The following EIF4ENIF1 variants were observed in gnomAD, a reference collection of about 807,000 sequenced individuals.
The protein encoded by EIF4ENIF1 is eukaryotic translation initiation factor 4E nuclear import factor 1.
Under a neutral mutation model 110.5 loss-of-function variants are expected in EIF4ENIF1, and 23 were observed. The ratio of observed to expected loss-of-function variants is 0.21; its 90% CI spans 0.15 to 0.29. EIF4ENIF1 has a LOEUF of 0.29. Among genes scored for constraint, EIF4ENIF1 ranks in the 10% least tolerant of loss-of-function variants. The pLI is 1.00. For synonymous variants in EIF4ENIF1, 440 were observed against 437.0 expected (o/e 1.01, Z -0.09); for missense variants, 1,031 against 1,221.1 (o/e 0.84, Z 2.32).
intron 4 of EIF4ENIF1, among the ~76,000 whole-genome samples, chr22:31,466,516 A>C (rs543122123): frequency 3.1e-4 from 47 of 151,542 alleles, no homozygotes; most frequent in African/African-American, 1.1e-3. Context: ...TGGGAGGCAG[A>C]GGTTGCAGTA....
intron 17 of EIF4ENIF1, 150 bp downstream of exon 17, chr22:31,441,624 G>A (rs1450142409): frequency 6.3e-6 from 4 of 630,418 alleles, no homozygotes. Flanking sequence ...GGATTGACTG[G>A]ATTGGGCCCA....
rs1234857195 is a variant in EIF4ENIF1 at position 31,449,333 on chromosome 22, AATAAGT to A, written c.1768+9_1768+14del. On this transcript the variant is annotated intron_variant, in intron 12 of 18. Coordinates refer to ENST00000330125, the MANE Select transcript of EIF4ENIF1 (RefSeq NM_019843.4). ...CCATAAATTCATATTTCTTTTGACA[AATAAGT>A]ATATTTACCAATTGGTGATGGTATT... 1.9e-6 allele frequency: 3 copies of A among 1,611,120 alleles called. No homozygotes were observed. Among genetic ancestry groups the A allele is most frequent in the Non-Finnish European group, 2.5e-6 (3 of 1,178,632 alleles).
Position 31,454,035 on chromosome 22 carries a change from A to C in EIF4ENIF1, c.1512+109T>G. On this transcript the variant is annotated intron_variant, in intron 10 of 18. Coordinates refer to ENST00000330125, the MANE Select transcript of EIF4ENIF1 (RefSeq NM_019843.4). ...AGCATCAAGGACCAAATGACTACTA[A>C]AGAATTTCCAACTTACTCAGAATAC... 3 of 981,626 alleles carry C rather than the reference A, an allele frequency of 3.1e-6. No individual in the cohort carries two copies. The South Asian group carries it at 5.0e-5, about 16-fold the overall frequency. 60.8% of individuals were successfully genotyped at this position (981,626 alleles called of 1,614,324 possible). A position where few individuals can be genotyped will look rare whatever the true frequency, so the allele number is the denominator to read the frequency against.
chr22:31,449,391 T>C lies in EIF4ENIF1; in HGVS notation c.1725A>G (p.Ala575=). The C allele has an allele frequency of 1.9e-6, 3 of 1,614,180 alleles. No homozygotes were observed. Among genetic ancestry groups the C allele is most frequent in the Non-Finnish European group, 2.5e-6 (3 of 1,180,020 alleles). ...PPLSQVFQTR[A]ASADYLRPRI... Reference sequence around the variant, plus strand: ...TTGGGCGAAGGTAGTCAGCTGAGGCTGCTCGAGTTTGAAACACCTGTGACA... The same window carrying C: ...TTGGGCGAAGGTAGTCAGCTGAGGCCGCTCGAGTTTGAAACACCTGTGACA... Residue 575 remains alanine, a synonymous_variant, in exon 12 of 19, where the codon GCA becomes GCG. Transcript: ENST00000330125.
chr22:31,439,119 C>G (rs2145879298), downstream of EIF4ENIF1, among the ~76,000 whole-genome samples: 1 of 152,290 alleles, frequency 6.6e-6, no homozygotes, highest in South Asian at 2.1e-4. Context: ...ATTAGGAAGA[C>G]TAGCTTGGGC....
rs200765350 is a variant in EIF4ENIF1, at chr22:31,468,259, G to A, written c.214C>T (p.Pro72Ser). The A allele has an allele frequency of 7.4e-6, 12 of 1,614,156 alleles. No individual in the cohort carries two copies. Among genetic ancestry groups the A allele is most frequent in the Non-Finnish European group, 1.0e-5 (12 of 1,180,030 alleles). Residue 72 changes from proline to serine, a missense_variant, in exon 4 of 19, where the codon CCA (proline) becomes TCA (serine). Coordinates refer to ENST00000330125, the MANE Select transcript of EIF4ENIF1 (RefSeq NM_019843.4). Reference protein sequence around the residue: ...DPEKWHASLYPASGRSSPVES... With the variant: ...DPEKWHASLYSASGRSSPVES... ...ACTGGTGAGCTCCGCCCTGAAGCTGGGTAGAGAGAGGCATGCCACTTCTCA... is the reference window on the plus strand; with the variant it reads ...ACTGGTGAGCTCCGCCCTGAAGCTGAGTAGAGAGAGGCATGCCACTTCTCA...
rs1314030562 is a variant in EIF4ENIF1, at chr22:31,454,208, G to A, written c.1448C>T (p.Ala483Val). 11 of 1,614,042 alleles carry A rather than the reference G, an allele frequency of 6.8e-6. No homozygotes were observed. Among genetic ancestry groups the A allele is most frequent in the African/African-American group, 1.3e-5 (1 of 74,918 alleles). The part of the protein sequence containing the change: ...RQLKKDGDMT[A>V]FNKLVSTMKA... ...CATTGTGCTCACTAGCTTGTTGAAC[G>A]CAGTCATGTCTCCGTCTTTCTTCAG... The change falls in exon 10 of 19, where the codon GCG becomes GTG. Residue 483 changes from alanine to valine, a missense_variant. Physicochemically the swap from Ala to Val is moderately conservative, Grantham distance 64 (BLOSUM62 0). This residue lies in a region of EIF4ENIF1 where 704 missense variants were observed against 879.7 expected (regional missense o/e 0.80). Coordinates refer to ENST00000330125, the MANE Select transcript of EIF4ENIF1 (RefSeq NM_019843.4).
chr22:31,450,439 C>G (rs1277561601), intron 10 of EIF4ENIF1, 79 bp from the exon 11 acceptor site: 1 of 1,134,664 alleles, frequency 8.8e-7, no homozygotes, highest in African/African-American at 1.5e-5. Flanking sequence ...CACAAGAAAG[C>G]ATAAAATACT....
At chr22:31,442,172 G>C in intron 16 of EIF4ENIF1, 54 bp from the exon 17 acceptor site, 2 of 1,330,936 alleles carry the variant, frequency 1.5e-6, no homozygotes, top group East Asian at 4.6e-5. Flanking sequence ...AACACTTGTG[G>C]CCTCCCACTG....
In EIF4ENIF1 at chr22:31,462,484, C is replaced by CAAA. The variant is rs11418470; in HGVS notation, c.787+445_787+447dup. On this transcript the variant is annotated intron_variant, in intron 6 of 18. Transcript: ENST00000330125. Reference sequence around the variant, plus strand: ...CGGGCAACTGAGCGAGACTCCGTCTCAAAAAAAAAAAAAGATTTCAAAATC... The same window carrying CAAA: ...CGGGCAACTGAGCGAGACTCCGTCTCAAAAAAAAAAAAAAAAGATTTCAAAATC... Among the ~76,000 whole-genome samples, 70 of 137,328 alleles carry CAAA rather than the reference C, an allele frequency of 5.1e-4. 1 individual carries two copies. Among genetic ancestry groups the CAAA allele is most frequent in the African/African-American group, 1.6e-3 (59 of 36,790 alleles). The allele number at this position is 137,328 out of a possible 152,430, so 90.1% of individuals were successfully genotyped here.
Position 31,441,927 on chromosome 22 carries a change from G to A in EIF4ENIF1, c.2398C>T (p.Pro800Ser). 3.1e-6 allele frequency: 5 copies of A among 1,614,194 alleles called. No homozygotes were observed. The highest frequency in any genetic ancestry group is 1.7e-5 in the Admixed American group (1 of 60,026). The change falls in exon 17 of 19, where the codon CCT becomes TCT. Residue 800 changes from proline to serine, a missense_variant. Pro to Ser is a moderately conservative substitution (Grantham distance 74). This residue lies in a region of EIF4ENIF1 where 309 missense variants were observed against 299.1 expected (regional missense o/e 1.03). Coordinates refer to ENST00000330125, the MANE Select transcript of EIF4ENIF1 (RefSeq NM_019843.4). ...RKTPTLASPV[P>S]TTPFLRPVHQ... Reference sequence around the variant, plus strand: ...ACAGGGCGGAGAAAAGGTGTTGTAGGAACTGGGGATGCCAAGGTGGGTGTT... The same window carrying A: ...ACAGGGCGGAGAAAAGGTGTTGTAGAAACTGGGGATGCCAAGGTGGGTGTT...
intron 14 of EIF4ENIF1, among the ~76,000 whole-genome samples, chr22:31,446,126 A>C (rs1236886317): frequency 2.6e-5 from 4 of 151,684 alleles, no homozygotes; most frequent in Non-Finnish European, 5.9e-5. Context: ...TCTACTAAAA[A>C]TACAAAAAAC....
chr22:31,456,305 G>A (rs1373096818), intron 7 of EIF4ENIF1, among the ~76,000 whole-genome samples: 1 of 147,090 alleles, frequency 6.8e-6, no homozygotes, highest in Non-Finnish European at 1.5e-5. Flanking sequence ...CTCACTGCAA[G>A]CTCCGCCTCC....
intron 2 of EIF4ENIF1, among the ~76,000 whole-genome samples, chr22:31,479,747 A>G (rs927938286): frequency 7.3e-6 from 1 of 136,466 alleles, no homozygotes; most frequent in African/African-American, 2.8e-5. Context: ...ACAGGTTCTC[A>G]CTCTCAGGCT....
In EIF4ENIF1 at chr22:31,462,946, G is replaced by A. The variant is rs1170673467; in HGVS notation, c.773C>T (p.Ala258Val). The change falls in exon 6 of 19, where the codon GCC becomes GTC. Residue 258 changes from alanine to valine, a missense_variant. Physicochemically the swap from Ala to Val is moderately conservative, Grantham distance 64. Coordinates refer to ENST00000330125, the MANE Select transcript of EIF4ENIF1 (RefSeq NM_019843.4). ...KGRKRTRRRT[A>V]SVKEGIVECN... The stretch of plus-strand genomic sequence containing the variant: ...TTTGAACTGACCTTCCTTCACAGAG[G>A]CTGTCCGTCGCCTTGTTCTTTTTCT... 7.4e-6 allele frequency: 12 copies of A among 1,613,760 alleles called. 1 individual carries two copies. Among genetic ancestry groups the A allele is most frequent in the South Asian group, 6.6e-5 (6 of 91,070 alleles).
chr22:31,492,990 A>G (rs764087108), upstream of EIF4ENIF1, among the ~76,000 whole-genome samples: 1 of 151,552 alleles, frequency 6.6e-6, no homozygotes, highest in Admixed American at 6.6e-5. Flanking sequence ...TCGGCCTCCC[A>G]AAGTGCTGGG....
chr22:31,482,553 G>C (rs531910203), intron 2 of EIF4ENIF1, among the ~76,000 whole-genome samples: 1 of 151,848 alleles, frequency 6.6e-6, no homozygotes, highest in Non-Finnish European at 1.5e-5. Flanking sequence ...ATCATGGCAC[G>C]TGCCTGTAAT....
At chr22:31,481,608 C>T (rs1213543806) in intron 2 of EIF4ENIF1, among the ~76,000 whole-genome samples, 1 of 152,152 alleles carries the variant, frequency 6.6e-6, no homozygotes, top group Non-Finnish European at 1.5e-5. Flanking sequence ...ATTCCTGTTT[C>T]AACCTAGGAT....
intron 12 of EIF4ENIF1, 136 bp downstream of exon 12, chr22:31,449,212 G>C: frequency 1.3e-6 from 1 of 792,992 alleles, no homozygotes; most frequent in Non-Finnish European, 2.0e-6. Context: ...GTTTCACCAC[G>C]TTGGCCAGGC....
Sources: gnomAD v4.1 joint callset for allele counts (sites outside exome capture counted in the v4.1 genomes callset) on GRCh38, gnomAD v4.1.1 for gene constraint, gnomAD v4.1.1 regional missense constraint, MANE v1.5 for transcripts, NCBI Gene and HGNC (gene_info 2026-07-23, HGNC 2026-07-21) for gene names.